KLF12: variants seen among roughly 807,000 people sequenced by gnomAD.
The protein encoded by KLF12 is KLF transcription factor 12.
In KLF12, 9 loss-of-function variants were observed where a neutral mutation model predicts 37.8. The observed-to-expected ratio is 0.24, with a 90% CI of 0.14 to 0.42. The LOEUF (loss-of-function observed/expected upper bound fraction) is 0.42. Among genes scored for constraint, KLF12 ranks in the 10% least tolerant of loss-of-function variants. The pLI is 1.00. For missense variants in KLF12, 411 were observed against 516.0 expected (o/e 0.80, Z 1.97); for synonymous variants, 208 against 202.1 (o/e 1.03, Z -0.25).
At chr13:73,739,095 T>C (rs889805950) in intron 6 of KLF12, among the ~76,000 whole-genome samples, 8 of 151,950 alleles carry the variant, frequency 5.3e-5, no homozygotes, top group African/African-American at 1.9e-4. Flanking sequence ...ATTAGCCAGA[T>C]GTGTTGGTGC....
chr13:73,883,261 G>C (rs1384551129), intron 3 of KLF12, among the ~76,000 whole-genome samples: 1 of 152,032 alleles, frequency 6.6e-6, no homozygotes, highest in East Asian at 1.9e-4. Context: ...ATTTGCATGA[G>C]AAAAAAATGA....
At chr13:74,005,200 A>G (rs374778127) in intron 1 of KLF12, among the ~76,000 whole-genome samples, 6 of 152,160 alleles carry the variant, frequency 3.9e-5, no homozygotes, top group African/African-American at 7.2e-5. Flanking sequence ...AACAATCTCA[A>G]TAAGGTAACC....
At chr13:73,738,514 G>A (rs1044995796) in intron 6 of KLF12, among the ~76,000 whole-genome samples, 2 of 151,916 alleles carry the variant, frequency 1.3e-5, no homozygotes, top group African/African-American at 4.8e-5. Flanking sequence ...AAATCGACAA[G>A]TAGTAAAAGA....
At chr13:73,953,055 T>C (rs940995352) in intron 2 of KLF12, among the ~76,000 whole-genome samples, 19 of 152,196 alleles carry the variant, frequency 1.2e-4, no homozygotes, top group African/African-American at 3.4e-4. Context: ...AAGATTTTTC[T>C]AGATTTTCCA....
intron 1 of KLF12, among the ~76,000 whole-genome samples, chr13:74,097,112 C>A (rs1038934439): frequency 1.3e-5 from 2 of 152,098 alleles, no homozygotes; most frequent in Non-Finnish European, 2.9e-5. Context: ...AAAAGAAATA[C>A]AAAATACCAA....
chr13:73,939,632 G>A (rs1407532551), intron 3 of KLF12, among the ~76,000 whole-genome samples: 1 of 152,010 alleles, frequency 6.6e-6, no homozygotes, highest in Non-Finnish European at 1.5e-5. Context: ...GAAAGTAATA[G>A]GGCCTTTTTC....
intron 1 of KLF12, among the ~76,000 whole-genome samples, chr13:74,080,526 G>GAA (rs59366154): frequency 0.13 from 19,087 of 146,082 alleles, 1,427 homozygotes; most frequent in Non-Finnish European, 0.19. Context: ...TGGTCCAAAA[G>GAA]AAAAAAAAAA....
At chr13:73,747,773 G>A (rs181923689) in intron 6 of KLF12, among the ~76,000 whole-genome samples, 5 of 152,172 alleles carry the variant, frequency 3.3e-5, no homozygotes, top group African/African-American at 4.8e-5. Flanking sequence ...TAACTTGCTC[G>A]AAGTTACAGA....
At chr13:73,772,210 A>G (rs576088661) in intron 5 of KLF12, among the ~76,000 whole-genome samples, 1 of 152,328 alleles carries the variant, frequency 6.6e-6, no homozygotes, top group South Asian at 2.1e-4. Flanking sequence ...ATTAATTCAA[A>G]TATTAGTTGA....
At chr13:73,878,431 G>A (rs2138929043) in intron 3 of KLF12, among the ~76,000 whole-genome samples, 1 of 152,196 alleles carries the variant, frequency 6.6e-6, no homozygotes, top group Admixed American at 6.5e-5. Flanking sequence ...TTCCAGGTAG[G>A]CAAAACTAAA....
intron 1 of KLF12, among the ~76,000 whole-genome samples, chr13:74,014,030 G>A (rs1035724801): frequency 5.3e-5 from 8 of 152,064 alleles, no homozygotes; most frequent in Admixed American, 4.6e-4. Context: ...CTATTTCTGA[G>A]GAAGAGTTTG....
intron 6 of KLF12, among the ~76,000 whole-genome samples, chr13:73,734,841 C>T (rs1283754134): frequency 3.9e-5 from 6 of 152,062 alleles, no homozygotes; most frequent in South Asian, 2.1e-4. Context: ...GTACACTGCC[C>T]GAGATGACAT....
the KLF12 span, among the ~76,000 whole-genome samples, chr13:74,214,882 C>A: frequency 1.3e-5 from 2 of 151,996 alleles, no homozygotes; most frequent in African/African-American, 2.4e-5. Flanking sequence ...GCAACCTCTG[C>A]CCCCCGGGTT....
intron 5 of KLF12, among the ~76,000 whole-genome samples, chr13:73,797,536 G>A (rs1277441388): frequency 6.6e-6 from 1 of 152,128 alleles, no homozygotes; most frequent in Non-Finnish European, 1.5e-5. Context: ...TTGGGAGGCT[G>A]AGACAGGAGA....
chr13:73,747,026 A>AT (rs1403825810), intron 6 of KLF12, among the ~76,000 whole-genome samples: 7 of 152,072 alleles, frequency 4.6e-5, no homozygotes, highest in African/African-American at 1.7e-4. Context: ...CATGTTGGTC[A>AT]GGCTGGTCTC....
At chr13:74,047,724 T>A (rs962434023) in intron 1 of KLF12, among the ~76,000 whole-genome samples, 1 of 151,932 alleles carries the variant, frequency 6.6e-6, no homozygotes, top group South Asian at 2.1e-4. Flanking sequence ...AAGAAGTGAA[T>A]AGAGAGAGTA....
chr13:74,120,388 G>A (rs904362327), intron 1 of KLF12, among the ~76,000 whole-genome samples: 6 of 152,200 alleles, frequency 3.9e-5, no homozygotes, highest in Middle Eastern at 3.2e-3. Flanking sequence ...CGTGAGCCAT[G>A]AGAATTGTTT....
chr13:74,292,950 A>C, the KLF12 span, among the ~76,000 whole-genome samples: 1 of 152,216 alleles, frequency 6.6e-6, no homozygotes, highest in East Asian at 1.9e-4. Flanking sequence ...GCAGATTCCT[A>C]AAAATCATTG....
At chr13:73,711,384 C>T (rs1875386473) in intron 7 of KLF12, among the ~76,000 whole-genome samples, 2 of 152,168 alleles carry the variant, frequency 1.3e-5, no homozygotes, top group African/African-American at 4.8e-5. Flanking sequence ...AAGTCAATGC[C>T]TAGCTTTAAA....
Sources: gnomAD v4.1 joint callset for allele counts (sites outside exome capture counted in the v4.1 genomes callset) on GRCh38, gnomAD v4.1.1 for gene constraint, MANE v1.5 for transcripts, NCBI Gene and HGNC (gene_info 2026-07-23, HGNC 2026-07-21) for gene names.